Variants in ADCY8 observed in about 807,000 individuals in gnomAD.
ADCY8 encodes the protein adenylate cyclase 8, also known as adenylate cyclase type 8.
ADCY8 carries 51 observed loss-of-function variants against 119.7 expected under a neutral mutation model. The observed-to-expected ratio is 0.43, with a 90% CI of 0.34 to 0.54. The LOEUF (loss-of-function observed/expected upper bound fraction) is 0.54. ADCY8 is among the 20% of genes least tolerant of loss of function. ADCY8 has a pLI of 0.03. For missense variants in ADCY8, 1,383 were observed against 1,598.8 expected (o/e 0.87, Z 2.30); for synonymous variants, 665 against 651.0 (o/e 1.02, Z -0.33).
At chr8:130,856,930 A>G (rs1817756255) in intron 9 of ADCY8, among the ~76,000 whole-genome samples, 1 of 152,104 alleles carries the variant, frequency 6.6e-6, no homozygotes, top group African/African-American at 2.4e-5. Context: ...CACATTTGGC[A>G]AAAGTCATTA....
chr8:130,976,949 G>T (rs993322012), intron 2 of ADCY8, among the ~76,000 whole-genome samples: 1 of 152,170 alleles, frequency 6.6e-6, no homozygotes, highest in Admixed American at 6.5e-5. Flanking sequence ...GGAGACTGAA[G>T]CTCAGAGATT....
At chr8:130,871,996 A>AT (rs1452353011) in intron 8 of ADCY8, among the ~76,000 whole-genome samples, 1 of 152,058 alleles carries the variant, frequency 6.6e-6, no homozygotes, top group South Asian at 2.1e-4. Context: ...ATAGATATAT[A>AT]TTTTTTTCAG....
chr8:130,783,672 A>G lies in ADCY8; in HGVS notation c.3268+19T>C, dbSNP rs748645437. The G allele has an allele frequency of 1.5e-5, 24 of 1,588,720 alleles. No homozygotes were observed. The South Asian group carries it at 2.4e-4, about 16-fold the overall frequency. ...AGGTCAGCTGGCTCTATCAGGCCCC[A>G]CCTGCAGCTGCTACTCACCAATCCG... On this transcript the variant is annotated intron_variant, in intron 17 of 17. Transcript: ENST00000286355.
intron 9 of ADCY8, among the ~76,000 whole-genome samples, chr8:130,855,671 C>T (rs1313752915): frequency 6.6e-6 from 1 of 151,842 alleles, no homozygotes; most frequent in African/African-American, 2.4e-5. Flanking sequence ...CTTCTCCTGT[C>T]CAGTGCCAAG....
intron 11 of ADCY8, among the ~76,000 whole-genome samples, chr8:130,840,900 A>T (rs2130277340): frequency 6.6e-6 from 1 of 152,332 alleles, no homozygotes; most frequent in East Asian, 1.9e-4. Flanking sequence ...TATGCATTGT[A>T]AGTGCATCAC....
At chr8:130,800,707 GT>G (rs1223357047) in intron 14 of ADCY8, 135 bp from the exon 15 acceptor site, 12 of 956,608 alleles carry the variant, frequency 1.3e-5, no homozygotes, top group Non-Finnish European at 1.9e-5. Context: ...CTTGGATATC[GT>G]TATGTCAACA....
At chr8:130,932,961 G>C (rs922514362) in intron 5 of ADCY8, among the ~76,000 whole-genome samples, 1 of 152,128 alleles carries the variant, frequency 6.6e-6, no homozygotes, top group Non-Finnish European at 1.5e-5. Flanking sequence ...ACCTAAACAA[G>C]GAAATTATTG....
At chr8:130,921,643 G>A (rs1399151793) in intron 5 of ADCY8, among the ~76,000 whole-genome samples, 2 of 151,608 alleles carry the variant, frequency 1.3e-5, no homozygotes, top group Admixed American at 1.3e-4. Context: ...AGTAGAGATG[G>A]GGTTTCTCCA....
intron 10 of ADCY8, among the ~76,000 whole-genome samples, chr8:130,848,684 C>G (rs1317218462): frequency 1.3e-5 from 2 of 152,198 alleles, no homozygotes; most frequent in Non-Finnish European, 1.5e-5. Context: ...ATGACAATGC[C>G]TCAACTAGCC....
At chr8:130,792,667 C>A (rs1467406787) in intron 15 of ADCY8, among the ~76,000 whole-genome samples, 1 of 152,198 alleles carries the variant, frequency 6.6e-6, no homozygotes, top group African/African-American at 2.4e-5. Flanking sequence ...CCTGTCTCAT[C>A]ACCTCCTTGG....
At chr8:130,989,818 C>A (rs1822519513) in intron 2 of ADCY8, among the ~76,000 whole-genome samples, 1 of 152,136 alleles carries the variant, frequency 6.6e-6, no homozygotes, top group South Asian at 2.1e-4. Flanking sequence ...CCAAAAAATT[C>A]TTTTATCTTA....
chr8:130,795,510 C>G (rs1815553397), intron 15 of ADCY8, among the ~76,000 whole-genome samples: 1 of 152,206 alleles, frequency 6.6e-6, no homozygotes, highest in African/African-American at 2.4e-5. Flanking sequence ...CAAGTCTAAA[C>G]TTTGTCTTCT....
rs564273688 is a variant in ADCY8 at position 130,791,967 on chromosome 8, T to A, written c.3061-6492A>T. On this transcript the variant is annotated intron_variant, in intron 15 of 17. Coordinates refer to ENST00000286355, the MANE Select transcript of ADCY8 (RefSeq NM_001115.3). ...CTTTCCTTTCTACTTGTCTCCTTTT[T>A]TTGCTGTACAACTTCTGAAAAGAGT... 5.3e-5 allele frequency among the ~76,000 whole-genome samples: 8 copies of A among 152,360 alleles called. No homozygotes were observed. The East Asian group carries it at 1.5e-3, about 29-fold the overall frequency.
intron 7 of ADCY8, 86 bp downstream of exon 7, chr8:130,903,686 G>C: frequency 6.9e-7 from 1 of 1,443,294 alleles, no homozygotes; most frequent in Non-Finnish European, 9.5e-7. Context: ...GGTTAAAGAT[G>C]AATCAGTTTT....
Position 130,822,535 on chromosome 8 carries a change from AATCCATCCATCCATCCATCCATCCATCC to A in ADCY8, c.2676-1143_2676-1116del, listed in dbSNP as rs145398330. Reference sequence around the variant, plus strand: ...GAATCCATGAATCCATGAATCCATGAATCCATCCATCCATCCATCCATCCATCCATCCATCCATCCATCCATCCATCCA... The same window carrying A: ...GAATCCATGAATCCATGAATCCATGAATCCATCCATCCATCCATCCATCCA... On this transcript the variant is annotated intron_variant, in intron 12 of 17. Transcript: ENST00000286355. 1.2e-3 allele frequency among the ~76,000 whole-genome samples: 162 copies of A among 139,762 alleles called. 1 individual carries two copies. The highest frequency in any genetic ancestry group is 2.1e-3 in the Non-Finnish European group (133 of 64,052). The allele number at this position is 139,762 out of a possible 152,430, so 91.7% of individuals were successfully genotyped here.
At chr8:130,931,376 T>C (rs55755209) in intron 5 of ADCY8, among the ~76,000 whole-genome samples, 13,563 of 152,252 alleles carry the variant, frequency 0.089, 650 homozygotes, top group Non-Finnish European at 0.1. Context: ...GATCTTCTTT[T>C]TGTCTTTGAT....
intron 5 of ADCY8, among the ~76,000 whole-genome samples, chr8:130,925,463 C>A (rs1820437071): frequency 6.6e-6 from 1 of 152,028 alleles, no homozygotes. Flanking sequence ...GCAGACGAGG[C>A]CATGGAGGCT....
At chr8:131,034,591 G>A (rs545478342) in intron 1 of ADCY8, among the ~76,000 whole-genome samples, 1 of 152,068 alleles carries the variant, frequency 6.6e-6, no homozygotes, top group Admixed American at 6.6e-5. Flanking sequence ...GATGTTGAAA[G>A]GTAGGAAAGA....
At position 130,938,621 on chromosome 8, in the gene ADCY8, T is replaced by G. The variant is rs539980198; in HGVS notation, c.1354-1421A>C. On this transcript the variant is annotated intron_variant, in intron 4 of 17. Transcript: ENST00000286355. Reference sequence around the variant, plus strand: ...AGCAAGCTGTAAAGCACTGTGTTGGTTTCCCAATCTCACCAGGAGTTGGAC... The same window carrying G: ...AGCAAGCTGTAAAGCACTGTGTTGGGTTCCCAATCTCACCAGGAGTTGGAC... 2.0e-5 allele frequency among the ~76,000 whole-genome samples: 3 copies of G among 152,246 alleles called. No individual in the cohort carries two copies. In the East Asian group the frequency reaches 5.8e-4, roughly 29 times the overall value.
Sources: gnomAD v4.1 joint callset for allele counts (sites outside exome capture counted in the v4.1 genomes callset) on GRCh38, gnomAD v4.1.1 for gene constraint, MANE v1.5 for transcripts, NCBI Gene and HGNC (gene_info 2026-07-23, HGNC 2026-07-21) for gene names.